FLVCR2: variants seen among roughly 807,000 people sequenced by gnomAD.
The protein encoded by FLVCR2 is FLVCR choline and putative heme transporter 2.
FLVCR2 carries 38 observed loss-of-function variants against 48.9 expected under a neutral mutation model. The observed-to-expected ratio is 0.78, with a 90% CI of 0.60 to 1.02. The LOEUF (loss-of-function observed/expected upper bound fraction) is 1.02, where lower values mean the gene tolerates loss of function less well. Ranked by LOEUF, FLVCR2 falls within the 50% of genes least tolerant of loss-of-function variation. The pLI is 0.00. For synonymous variants in FLVCR2, 255 were observed against 257.0 expected, an observed-to-expected ratio of 0.99 and a Z score of 0.07; for missense variants, 664 against 663.3, an observed-to-expected ratio of 1.00 and a Z score of -0.01.
chr14:75,579,287 C>G lies in FLVCR2; in HGVS notation c.315C>G (p.Tyr105Ter), dbSNP rs746197249. The G allele has an allele frequency of 6.2e-6, 10 of 1,614,146 alleles. No homozygotes were observed. The highest frequency in any genetic ancestry group is 1.7e-5 in the Admixed American group (1 of 60,014). The change falls in exon 1 of 10, where the codon TAC (tyrosine) becomes TAG (stop). Residue 105 changes from tyrosine to a stop codon, truncating the protein, a stop_gained. Transcript: ENST00000238667. LOFTEE classifies it high-confidence loss of function. ...SMCNSFQWIQ[Y>*]GSINNIFMHF... ...GCAACTCCTTTCAGTGGATCCAGTACGGCTCCATCAATAACATCTTCATGC... is the reference window on the plus strand; with the variant it reads ...GCAACTCCTTTCAGTGGATCCAGTAGGGCTCCATCAATAACATCTTCATGC...
intron 3 of FLVCR2, among the ~76,000 whole-genome samples, chr14:75,626,853 C>T (rs1889912627): frequency 6.6e-6 from 1 of 151,896 alleles, no homozygotes; most frequent in Non-Finnish European, 1.5e-5. Flanking sequence ...ATAAATCTTG[C>T]TGCATCTAAC....
chr14:75,604,721 T>A (rs981123343), intron 1 of FLVCR2, among the ~76,000 whole-genome samples: 5 of 152,108 alleles, frequency 3.3e-5, no homozygotes, highest in Non-Finnish European at 7.4e-5. Context: ...GGGTGCAGTG[T>A]GGACAAGCAG....
chr14:75,594,649 A>C (rs765552351), intron 1 of FLVCR2, among the ~76,000 whole-genome samples: 1 of 152,266 alleles, frequency 6.6e-6, no homozygotes, highest in Non-Finnish European at 1.5e-5. Flanking sequence ...AGAATAAGAG[A>C]GGACAAACTG....
intron 5 of FLVCR2, among the ~76,000 whole-genome samples, chr14:75,636,306 C>T (rs1890165903): frequency 6.6e-6 from 1 of 152,152 alleles, no homozygotes; most frequent in South Asian, 2.1e-4. Context: ...GAGACCATCC[C>T]TAGGGAGGTG....
chr14:75,599,638 T>G (rs1271872294), intron 1 of FLVCR2, among the ~76,000 whole-genome samples: 1 of 152,118 alleles, frequency 6.6e-6, no homozygotes. Flanking sequence ...CAGGGAACCA[T>G]CAGTAGCCAC....
chr14:75,641,083 G>C (rs1362002533), intron 7 of FLVCR2, 23 bp downstream of exon 7: 2 of 1,598,150 alleles, frequency 1.3e-6, no homozygotes, highest in Non-Finnish European at 1.7e-6. Flanking sequence ...TTTCCTGTTT[G>C]TTTCCTGGCT....
At position 75,647,161 on chromosome 14, in the gene FLVCR2, A is replaced by T. The variant is rs1445154042; in HGVS notation, c.*689A>T. 1.3e-5 allele frequency: 2 copies of T among 154,456 alleles called. No homozygotes were observed. The highest frequency in any genetic ancestry group is 1.3e-4 in the Admixed American group (2 of 15,800). 9.6% of individuals were successfully genotyped at this position (154,456 alleles called of 1,614,324 possible). ...ACCGACTCAGGAGGGCTACCTACCT[A>T]GGTGTGATCATGCTGGGGGCTACCT... On this transcript the variant is annotated 3_prime_UTR_variant, in exon 10 of 10. Transcript: ENST00000238667.
At chr14:75,584,761 A>G (rs920707541) in intron 1 of FLVCR2, among the ~76,000 whole-genome samples, 1 of 152,240 alleles carries the variant, frequency 6.6e-6, no homozygotes, top group Non-Finnish European at 1.5e-5. Flanking sequence ...GGGAGAGGGT[A>G]GAAGTCAGGA....
At chr14:75,611,727 C>A (rs552882368) in intron 1 of FLVCR2, among the ~76,000 whole-genome samples, 5 of 152,172 alleles carry the variant, frequency 3.3e-5, no homozygotes, top group Admixed American at 2.6e-4. Flanking sequence ...CAGAGTGAGA[C>A]CCTGTCTCAC....
chr14:75,636,892 A>C (rs759241343), intron 5 of FLVCR2, among the ~76,000 whole-genome samples: 11 of 152,216 alleles, frequency 7.2e-5, no homozygotes, highest in Non-Finnish European at 1.2e-4. Context: ...CTATGGTTAA[A>C]GCTTCATCCT....
intron 3 of FLVCR2, among the ~76,000 whole-genome samples, chr14:75,625,003 C>G (rs894275234): frequency 6.7e-6 from 1 of 150,212 alleles, no homozygotes; most frequent in African/African-American, 2.5e-5. Flanking sequence ...ATCTCAGTAT[C>G]ACTTTTGTAA....
chr14:75,622,682 T>A (rs1012535158), intron 2 of FLVCR2, among the ~76,000 whole-genome samples: 1 of 152,116 alleles, frequency 6.6e-6, no homozygotes, highest in Non-Finnish European at 1.5e-5. Context: ...AGCTCGTAAG[T>A]GGCAGAGATT....
intron 1 of FLVCR2, among the ~76,000 whole-genome samples, chr14:75,618,286 A>G (rs984311278): frequency 6.6e-6 from 1 of 152,212 alleles, no homozygotes; most frequent in Non-Finnish European, 1.5e-5. Context: ...ATGCCTGCAT[A>G]TGAAAATACA....
At chr14:75,596,051 CA>C in intron 1 of FLVCR2, 8 of 1,279,768 alleles carry the variant, frequency 6.3e-6, no homozygotes, top group Non-Finnish European at 9.0e-6. Flanking sequence ...AGATGACATC[CA>C]GTGTGGTCTT....
chr14:75,644,038 G>GAAA (rs111764331), intron 9 of FLVCR2, among the ~76,000 whole-genome samples: 3 of 140,464 alleles, frequency 2.1e-5, no homozygotes. Flanking sequence ...ACTCCATCTC[G>GAAA]AAAAAAAAAA....
chr14:75,578,969 G>A lies in FLVCR2; in HGVS notation c.-4G>A. The stretch of plus-strand genomic sequence containing the variant: ...TCTCCAGGATTCCAGAGGAGACTGT[G>A]GCGATGGTGAATGAAGGTCCCAACC... On this transcript the variant is annotated 5_prime_UTR_variant, in exon 1 of 10. Coordinates refer to ENST00000238667, the MANE Select transcript of FLVCR2 (RefSeq NM_017791.3). The A allele has an allele frequency of 6.2e-7, 1 of 1,614,082 alleles. No individual in the cohort carries two copies. Among genetic ancestry groups the A allele is most frequent in the Admixed American group, 1.7e-5 (1 of 60,026 alleles).
At chr14:75,639,706 C>A (rs1417847238) in intron 6 of FLVCR2, among the ~76,000 whole-genome samples, 1 of 152,090 alleles carries the variant, frequency 6.6e-6, no homozygotes, top group Admixed American at 6.6e-5. Context: ...AGGCTAGAAC[C>A]TGTTCAGAGT....
chr14:75,588,106 A>G (rs1198237728), intron 1 of FLVCR2, among the ~76,000 whole-genome samples: 1 of 152,226 alleles, frequency 6.6e-6, no homozygotes, highest in African/African-American at 2.4e-5. Flanking sequence ...TTAAGTAAAA[A>G]GAAAAGGTGA....
At position 75,640,884 on chromosome 14, in the gene FLVCR2, AG is replaced by A. The variant is rs1737601039; in HGVS notation, c.1236-69del. ...AAAACAGCAAAGGGAGTCCTAGGGG[AG>A]GAGGTGGGCTCCCCATCCTTCTTGT... On this transcript the variant is annotated intron_variant, in intron 6 of 9. Transcript: ENST00000238667. 27 of 1,021,940 alleles carry A rather than the reference AG, an allele frequency of 2.6e-5. 1 individual carries two copies. The East Asian group carries it at 6.4e-4, about 24-fold the overall frequency. 63.3% of individuals were successfully genotyped at this position (1,021,940 alleles called of 1,614,324 possible).
Sources: gnomAD v4.1 joint callset for allele counts (sites outside exome capture counted in the v4.1 genomes callset) on GRCh38, gnomAD v4.1.1 for gene constraint, MANE v1.5 for transcripts, NCBI Gene and HGNC (gene_info 2026-07-23, HGNC 2026-07-21) for gene names.